The following ATP8A2 variants were observed in gnomAD, a reference collection of about 807,000 sequenced individuals.
ATP8A2 encodes the protein phospholipid-transporting ATPase IB.
ATP8A2 carries 100 observed loss-of-function variants against 165.6 expected under a neutral mutation model. That is an observed-to-expected ratio of 0.60 (90% confidence interval 0.51 to 0.71). ATP8A2 has a LOEUF of 0.71. Ranked by LOEUF, ATP8A2 falls within the 30% of genes least tolerant of loss-of-function variation. The pLI, the probability that ATP8A2 is intolerant of heterozygous loss-of-function variation, is 0.00. For synonymous variants in ATP8A2, 543 were observed against 548.8 expected (o/e 0.99, Z 0.15); for missense variants, 1,227 against 1,479.5 (o/e 0.83, Z 2.80).
intron 31 of ATP8A2, 52 bp downstream of exon 31, chr13:25,860,308 T>G: frequency 1.7e-6 from 2 of 1,198,854 alleles, no homozygotes; most frequent in Non-Finnish European, 2.5e-6. Context: ...ATGTGTGGCT[T>G]GCACTTCTCT....
chr13:25,889,156 T>C (rs1378123154), intron 33 of ATP8A2, among the ~76,000 whole-genome samples: 1 of 150,246 alleles, frequency 6.7e-6, no homozygotes, highest in Non-Finnish European at 1.5e-5. Context: ...TTTTTGCTGT[T>C]GTTGCTTCAG....
chr13:25,589,699 T>G lies in ATP8A2; in HGVS notation c.2211T>G (p.Asp737Glu). ...TCCTATTGAAGGAGGACTCTTTGGA[T>G]GTAAGTAGTTTTTCAAAGTTGTATT... ...ALILLKEDSL[D>E]ATRAAITQHC... The change falls in exon 24 of 37, where the codon GAT becomes GAG. Residue 737 changes from aspartate (D) to glutamate (E), a missense_variant and splice_region_variant. Asp to Glu is a conservative substitution (Grantham distance 45, BLOSUM62 2). Transcript: ENST00000381655. 1.3e-6 allele frequency: 2 copies of G among 1,599,904 alleles called. No homozygotes were observed. Among genetic ancestry groups the G allele is most frequent in the Non-Finnish European group, 1.7e-6 (2 of 1,168,090 alleles).
At chr13:25,963,074 T>G (rs1406896994) in intron 34 of ATP8A2, among the ~76,000 whole-genome samples, 2 of 152,174 alleles carry the variant, frequency 1.3e-5, no homozygotes, top group Non-Finnish European at 2.9e-5. Context: ...AAAAATATTT[T>G]CTTAATCTAA....
chr13:25,872,493 A>G (rs1290708351), intron 33 of ATP8A2, among the ~76,000 whole-genome samples: 1 of 152,144 alleles, frequency 6.6e-6, no homozygotes, highest in Non-Finnish European at 1.5e-5. Flanking sequence ...CCATTTTCCT[A>G]CCATGCATCT....
chr13:25,747,304 C>A (rs1040432214), intron 25 of ATP8A2, among the ~76,000 whole-genome samples: 1 of 152,204 alleles, frequency 6.6e-6, no homozygotes, highest in Non-Finnish European at 1.5e-5. Context: ...GCTCCTTGGG[C>A]TCTCATCTTC....
At chr13:25,447,785 A>C (rs2035110630) in intron 1 of ATP8A2, among the ~76,000 whole-genome samples, 2 of 152,196 alleles carry the variant, frequency 1.3e-5, no homozygotes, top group South Asian at 4.1e-4. Flanking sequence ...AGGATGGTGA[A>C]TGCAGAGATT....
At chr13:25,749,909 C>G (rs1222953969) in intron 25 of ATP8A2, among the ~76,000 whole-genome samples, 3 of 152,094 alleles carry the variant, frequency 2.0e-5, no homozygotes, top group African/African-American at 7.2e-5. Context: ...TACCACTAGT[C>G]CTGGCTACTA....
chr13:25,384,707 A>G (rs2032976672), intron 1 of ATP8A2, among the ~76,000 whole-genome samples: 1 of 152,192 alleles, frequency 6.6e-6, no homozygotes, highest in African/African-American at 2.4e-5. Flanking sequence ...CATGTATTGA[A>G]TATGCACCCA....
chr13:25,965,717 C>A (rs1326552225), intron 34 of ATP8A2, among the ~76,000 whole-genome samples: 1 of 152,194 alleles, frequency 6.6e-6, no homozygotes, highest in East Asian at 1.9e-4. Flanking sequence ...CTCAAGGCCA[C>A]TGAACACAGA....
intron 1 of ATP8A2, among the ~76,000 whole-genome samples, chr13:25,431,503 G>A (rs916775874): frequency 6.4e-5 from 6 of 93,212 alleles, no homozygotes; most frequent in South Asian, 3.8e-4. Context: ...CTTCGGCGGC[G>A]GGGGGGGAAT....
chr13:25,726,861 G>A (rs766977261), intron 25 of ATP8A2, among the ~76,000 whole-genome samples: 1 of 152,108 alleles, frequency 6.6e-6, no homozygotes, highest in Non-Finnish European at 1.5e-5. Flanking sequence ...ATTTTTGAGG[G>A]TCTGGAGGTA....
At chr13:25,815,033 C>CAA (rs57301278) in intron 27 of ATP8A2, among the ~76,000 whole-genome samples, 3,019 of 137,352 alleles carry the variant, frequency 0.022, 100 homozygotes, top group African/African-American at 0.076. Flanking sequence ...GACCTTGTTT[C>CAA]AAAAAAAAAA....
chr13:25,686,312 G>A (rs2042600203), intron 24 of ATP8A2, among the ~76,000 whole-genome samples: 1 of 152,212 alleles, frequency 6.6e-6, no homozygotes. Context: ...GCAGGAACAT[G>A]ATGCAGTGCT....
chr13:25,847,347 G>T (rs548784363), intron 30 of ATP8A2, among the ~76,000 whole-genome samples: 1 of 152,336 alleles, frequency 6.6e-6, no homozygotes, highest in South Asian at 2.1e-4. Context: ...TTAAACCGCA[G>T]TTATGAACTG....
At chr13:25,513,877 A>C (rs974608441) in intron 2 of ATP8A2, among the ~76,000 whole-genome samples, 30 of 151,944 alleles carry the variant, frequency 2.0e-4, no homozygotes, top group Admixed American at 7.2e-4. Flanking sequence ...CAATCAGTCA[A>C]GGAGGTTGCA....
intron 25 of ATP8A2, among the ~76,000 whole-genome samples, chr13:25,762,500 C>T (rs143363274): frequency 1.1e-3 from 163 of 152,232 alleles, no homozygotes; most frequent in African/African-American, 3.8e-3. Flanking sequence ...TTCATCCTCT[C>T]CATCTGTGCA....
At chr13:25,741,100 G>T (rs1026483980) in intron 25 of ATP8A2, among the ~76,000 whole-genome samples, 9 of 152,202 alleles carry the variant, frequency 5.9e-5, no homozygotes, top group Non-Finnish European at 4.4e-5. Context: ...TTCAGAAAGT[G>T]TATGAGTTCT....
At chr13:25,721,567 G>A (rs558934318) in intron 25 of ATP8A2, among the ~76,000 whole-genome samples, 19 of 152,288 alleles carry the variant, frequency 1.2e-4, no homozygotes, top group African/African-American at 3.9e-4. Context: ...TTATGTATCA[G>A]GTTTTTAAAA....
At chr13:25,509,396 T>C (rs745967172) in intron 2 of ATP8A2, among the ~76,000 whole-genome samples, 1 of 152,202 alleles carries the variant, frequency 6.6e-6, no homozygotes, top group Non-Finnish European at 1.5e-5. Flanking sequence ...AAATGAATTA[T>C]CTGTTCTTTC....
Sources: allele counts gnomAD v4.1 joint callset (sites outside exome capture counted in the v4.1 genomes callset), GRCh38; gene constraint gnomAD v4.1.1; transcripts MANE v1.5; gene names NCBI Gene and HGNC (gene_info 2026-07-23, HGNC 2026-07-21).